PARD3B: variants seen among roughly 807,000 people sequenced by gnomAD.
The protein encoded by PARD3B is partitioning defective 3 homolog B.
PARD3B carries 103 observed loss-of-function variants against 130.2 expected under a neutral mutation model. The ratio of observed to expected loss-of-function variants is 0.79; its 90% CI spans 0.67 to 0.93. The LOEUF (loss-of-function observed/expected upper bound fraction) is 0.93. Ranked by LOEUF, PARD3B falls within the 40% of genes least tolerant of loss-of-function variation. PARD3B has a pLI of 0.00. For synonymous variants in PARD3B, 583 were observed against 553.2 expected (o/e 1.05, Z -0.76); for missense variants, 1,609 against 1,499.2 (o/e 1.07, Z -1.21).
At chr2:204,957,665 C>T (rs76380141) in intron 2 of PARD3B, among the ~76,000 whole-genome samples, 8,764 of 152,028 alleles carry the variant, frequency 0.058, 318 homozygotes, top group Middle Eastern at 0.15. Flanking sequence ...AGGAAGAGAA[C>T]GTACTTTGAA....
chr2:205,083,470 C>G lies in PARD3B; in HGVS notation c.505-20956C>G, dbSNP rs11675444. Reference sequence around the variant, plus strand: ...AATCAACATCATGGTAGAAAAAGGGCCAATTATGGTTTTAAAAACCTAAAC... The same window carrying G: ...AATCAACATCATGGTAGAAAAAGGGGCAATTATGGTTTTAAAAACCTAAAC... On this transcript the variant is annotated intron_variant, in intron 4 of 22. Coordinates refer to ENST00000406610, the MANE Select transcript of PARD3B (RefSeq NM_001302769.2). Among the ~76,000 whole-genome samples, 10 of 151,540 alleles carry G rather than the reference C, an allele frequency of 6.6e-5. No homozygotes were observed. The East Asian group carries it at 1.9e-3, about 29-fold the overall frequency.
chr2:205,408,307 A>T (rs916478282), intron 19 of PARD3B, among the ~76,000 whole-genome samples: 2 of 152,172 alleles, frequency 1.3e-5, no homozygotes, highest in East Asian at 1.9e-4. Flanking sequence ...CATCTTAGAG[A>T]TATAAAAACA....
intron 19 of PARD3B, among the ~76,000 whole-genome samples, chr2:205,408,370 A>G (rs375285776): frequency 6.6e-6 from 1 of 152,132 alleles, no homozygotes; most frequent in East Asian, 1.9e-4. Flanking sequence ...TCTATTCCCA[A>G]CCTCTCAGCA....
chr2:204,930,563 A>G (rs1687956350), intron 2 of PARD3B, among the ~76,000 whole-genome samples: 1 of 152,012 alleles, frequency 6.6e-6, no homozygotes, highest in Non-Finnish European at 1.5e-5. Context: ...ACCATCTACT[A>G]GTTCCTTAAG....
At chr2:204,714,696 A>G (rs552516004) in intron 2 of PARD3B, among the ~76,000 whole-genome samples, 12 of 152,318 alleles carry the variant, frequency 7.9e-5, no homozygotes, top group Admixed American at 7.8e-4. Context: ...TCTAATGTCT[A>G]CTTATCTCTA....
At position 205,325,043 on chromosome 2, in the gene PARD3B, C is replaced by A. The variant is rs993605487; in HGVS notation, c.2630+23342C>A. On this transcript the variant is annotated intron_variant, in intron 18 of 22. Coordinates refer to ENST00000406610, the MANE Select transcript of PARD3B (RefSeq NM_001302769.2). The surrounding 1 kb of genome is among the most constrained non-coding windows in gnomAD (Gnocchi z 4.1). ...CTAAGAATCTAAATTCTCTCTCCAT[C>A]TTCACTGCACTTCCTTAGTTCAAAT... is the stretch of plus-strand genomic sequence containing the variant. Among the ~76,000 whole-genome samples the A allele has an allele frequency of 1.3e-5, 2 of 152,166 alleles. No individual in the cohort carries two copies. Among genetic ancestry groups the A allele is most frequent in the Admixed American group, 6.5e-5 (1 of 15,278 alleles).
intron 2 of PARD3B, among the ~76,000 whole-genome samples, chr2:204,833,721 C>T (rs1361514088): frequency 6.6e-6 from 1 of 152,102 alleles, no homozygotes; most frequent in Non-Finnish European, 1.5e-5. Flanking sequence ...GATTGTGGGG[C>T]CTCCCCAGCC....
intron 19 of PARD3B, among the ~76,000 whole-genome samples, chr2:205,414,938 T>G (rs563339370): frequency 2.0e-5 from 3 of 152,072 alleles, no homozygotes; most frequent in Non-Finnish European, 4.4e-5. Flanking sequence ...TGGGTTGACT[T>G]TGTTTTAAAA....
chr2:204,572,166 T>C (rs1196010086), intron 1 of PARD3B, among the ~76,000 whole-genome samples: 1 of 152,196 alleles, frequency 6.6e-6, no homozygotes, highest in African/African-American at 2.4e-5. Flanking sequence ...TTGTTAGTTT[T>C]CTGGCCAGAT....
At chr2:204,564,161 G>T (rs1255219040) in intron 1 of PARD3B, among the ~76,000 whole-genome samples, 1 of 152,208 alleles carries the variant, frequency 6.6e-6, no homozygotes, top group African/African-American at 2.4e-5. Context: ...TTCTTTTACA[G>T]GTGGCAGGTG....
At chr2:204,945,126 A>G (rs190512337) in intron 2 of PARD3B, among the ~76,000 whole-genome samples, 24 of 152,348 alleles carry the variant, frequency 1.6e-4, no homozygotes, top group Admixed American at 1.3e-3. Flanking sequence ...CTGTGCAGCA[A>G]CAGACCAATA....
chr2:204,661,225 A>C (rs1397683464), intron 1 of PARD3B, among the ~76,000 whole-genome samples: 1 of 152,194 alleles, frequency 6.6e-6, no homozygotes, highest in East Asian at 1.9e-4. Context: ...ACCCAAAAGA[A>C]TGTCCCCAGG....
At position 205,301,616 on chromosome 2, in the gene PARD3B, T is replaced by C. The variant is rs758961775; in HGVS notation, c.2545T>C (p.Leu849=). ...EKEKKKEKGK[L]KVKEKKRKEE... is the part of the protein sequence containing the mutation. Reference sequence around the variant, plus strand: ...GGAGAAGAAAAAGGAAAAGGGCAAATTGAAAGTCAAGGAGAAAAAGCGCAA... The same window carrying C: ...GGAGAAGAAAAAGGAAAAGGGCAAACTGAAAGTCAAGGAGAAAAAGCGCAA... Residue 849 remains leucine, a synonymous_variant, in exon 18 of 23, where the codon TTG becomes CTG. Transcript: ENST00000406610. This position sits in a 1 kb window ranked among gnomAD's most constrained non-coding sequence, Gnocchi z 5.2. The C allele has an allele frequency of 2.2e-5, 35 of 1,612,826 alleles. No homozygotes were observed. Among genetic ancestry groups the C allele is most frequent in the Admixed American group, 3.3e-5 (2 of 59,864 alleles).
chr2:204,877,421 C>T (rs1481192708), intron 2 of PARD3B, among the ~76,000 whole-genome samples: 1 of 152,014 alleles, frequency 6.6e-6, no homozygotes, highest in Admixed American at 6.6e-5. Context: ...AAAGAAAATA[C>T]AGTACTCAGT....
intron 4 of PARD3B, among the ~76,000 whole-genome samples, chr2:205,055,450 A>G (rs1345160003): frequency 6.6e-6 from 1 of 152,202 alleles, no homozygotes; most frequent in Non-Finnish European, 1.5e-5. Context: ...CACTTTCACA[A>G]TATGGGCAGA....
chr2:204,762,880 C>G (rs1426947601), intron 2 of PARD3B, among the ~76,000 whole-genome samples: 1 of 151,910 alleles, frequency 6.6e-6, no homozygotes, highest in African/African-American at 2.4e-5. Flanking sequence ...CCTGCCTCAG[C>G]CTCCCTAGTA....
At chr2:205,096,295 T>A (rs907753786) in intron 4 of PARD3B, among the ~76,000 whole-genome samples, 1 of 152,130 alleles carries the variant, frequency 6.6e-6, no homozygotes, top group Non-Finnish European at 1.5e-5. Context: ...AGGTGATGTG[T>A]CTGGTCACCA....
chr2:205,325,725 A>C lies in PARD3B; in HGVS notation c.2630+24024A>C, dbSNP rs2042917095. On this transcript the variant is annotated intron_variant, in intron 18 of 22. Coordinates refer to ENST00000406610, the MANE Select transcript of PARD3B (RefSeq NM_001302769.2). The surrounding 1 kb of genome is among the most constrained non-coding windows in gnomAD (Gnocchi z 4.1). Reference sequence around the variant, plus strand: ...ATTATTTTGAGTAATTAGACATCCTATCTAGTAATAAGATAAGTAATTTTA... The same window carrying C: ...ATTATTTTGAGTAATTAGACATCCTCTCTAGTAATAAGATAAGTAATTTTA... Among the ~76,000 whole-genome samples, 1 of 152,088 alleles carries C rather than the reference A, an allele frequency of 6.6e-6. No homozygotes were observed. The highest frequency in any genetic ancestry group is 2.1e-4 in the South Asian group (1 of 4,836).
chr2:204,642,857 T>C (rs2035126579), intron 1 of PARD3B, among the ~76,000 whole-genome samples: 2 of 151,250 alleles, frequency 1.3e-5, no homozygotes, highest in African/African-American at 2.4e-5. Context: ...CTCACACCTG[T>C]AATCCCAGCA....
Sources: allele counts gnomAD v4.1 joint callset (sites outside exome capture counted in the v4.1 genomes callset), GRCh38; gene constraint gnomAD v4.1.1; non-coding constraint Gnocchi (gnomAD v3.1); transcripts MANE v1.5; gene names NCBI Gene and HGNC (gene_info 2026-07-23, HGNC 2026-07-21).